The following RNF17 variants were observed in gnomAD, a reference collection of about 807,000 sequenced individuals.
RNF17 encodes ring finger protein 17.
Under a neutral mutation model 200.5 loss-of-function variants are expected in RNF17, and 31 were observed. The ratio of observed to expected loss-of-function variants is 0.15; its 90% confidence interval spans 0.12 to 0.21. The LOEUF (loss-of-function observed/expected upper bound fraction) is 0.21. Among genes scored for constraint, RNF17 ranks in the 10% least tolerant of loss-of-function variants. The pLI, the probability that RNF17 is intolerant of heterozygous loss-of-function variation, is 1.00. For synonymous variants in RNF17, 606 were observed against 637.8 expected, an observed-to-expected ratio of 0.95 and a Z score of 0.75; for missense variants, 1,628 against 1,905.1, an observed-to-expected ratio of 0.85 and a Z score of 2.71.
intron 32 of RNF17, among the ~76,000 whole-genome samples, chr13:24,873,413 T>C (rs555148713): frequency 6.6e-6 from 1 of 152,360 alleles, no homozygotes; most frequent in East Asian, 1.9e-4. Flanking sequence ...CATTTTCTTC[T>C]TTGTACTTTT....
rs185294582 is a variant in RNF17 at position 24,774,324 on chromosome 13, C to T, written c.226-489C>T. On this transcript the variant is annotated intron_variant, in intron 2 of 35. Transcript: ENST00000255324. ...CGCCAGGTTCAAGCAATTCTCCTGC[C>T]TCAGCCTCCCTAGTAGCTGGGATTA... Among the ~76,000 whole-genome samples, 572 of 152,318 alleles carry T rather than the reference C, an allele frequency of 3.8e-3. 6 individuals carry two copies. The highest frequency in any genetic ancestry group is 0.012 in the Admixed American group (184 of 15,304).
chr13:24,785,290 A>G (rs1229650403), intron 6 of RNF17, among the ~76,000 whole-genome samples: 1 of 152,090 alleles, frequency 6.6e-6, no homozygotes, highest in African/African-American at 2.4e-5. Context: ...TGCCCCAGAT[A>G]ATTTCCTAAT....
intron 16 of RNF17, among the ~76,000 whole-genome samples, chr13:24,830,245 T>TAAGG (rs1485854438): frequency 5.9e-5 from 9 of 152,218 alleles, no homozygotes; most frequent in African/African-American, 2.2e-4. Context: ...ATAATTTTGT[T>TAAGG]ATCCTGATTT....
chr13:24,876,926 A>G (rs1234740765), intron 33 of RNF17, 71 bp from the exon 34 acceptor site: 3 of 1,260,438 alleles, frequency 2.4e-6, no homozygotes, highest in Non-Finnish European at 3.3e-6. Context: ...CGTTTCCCCT[A>G]TGTTTTCTTC....
intron 2 of RNF17, among the ~76,000 whole-genome samples, chr13:24,773,978 CAAAT>C (rs1218879538): frequency 3.3e-5 from 5 of 152,038 alleles, no homozygotes; most frequent in Non-Finnish European, 7.4e-5. Context: ...CGCAGGGCCT[CAAAT>C]AAATGAACAT....
Position 24,845,051 on chromosome 13 carries a change from T to C in RNF17, c.3073T>C (p.Ser1025Pro). 1.9e-6 allele frequency: 3 copies of C among 1,568,322 alleles called. No individual in the cohort carries two copies. The highest frequency in any genetic ancestry group is 1.1e-5 in the South Asian group (1 of 89,870). Residue 1025 changes from serine (S) to proline (P), a missense_variant, in exon 22 of 36, where the codon TCT becomes CCT. By Grantham distance (74) the Ser-to-Pro change is moderately conservative. This residue lies in a region of RNF17 where 227 missense variants were observed against 319.8 expected (regional missense o/e 0.71). Transcript: ENST00000255324. ...EENLKTMGRL[S>P]LECSLVDIRP... is the part of the protein sequence containing the mutation. Reference sequence around the variant, plus strand: ...AAATCTAAAGACAATGGGAAGACTCTCTTTGGAATGTTCTCTGGTTGACAT... The same window carrying C: ...AAATCTAAAGACAATGGGAAGACTCCCTTTGGAATGTTCTCTGGTTGACAT...
chr13:24,862,998 A>G (rs1259703598), intron 28 of RNF17, among the ~76,000 whole-genome samples: 2 of 152,216 alleles, frequency 1.3e-5, no homozygotes, highest in Non-Finnish European at 2.9e-5. Context: ...AACTTTCATA[A>G]CCATTAAAGT....
rs1477964083 is a variant in RNF17, at chr13:24,796,277, T to G, written c.1381T>G (p.Ser461Ala). 6.3e-7 allele frequency: 1 copy of G among 1,598,664 alleles called. No individual in the cohort carries two copies. The highest frequency in any genetic ancestry group is 8.5e-7 in the Non-Finnish European group (1 of 1,173,316). Reference sequence around the variant, plus strand: ...CAATAGGAGTTCACACCTTGATCCTTCAGACATTTTGGAACTAGGTAATGA... The same window carrying G: ...CAATAGGAGTTCACACCTTGATCCTGCAGACATTTTGGAACTAGGTAATGA... ...FCNRSSHLDPSDILELGARIF... is the reference protein window; with the variant it reads ...FCNRSSHLDPADILELGARIF... The change falls in exon 11 of 36, where the codon TCA (serine) becomes GCA (alanine). Residue 461 changes from serine (S) to alanine (A), a missense_variant. Ser to Ala is a moderately conservative substitution (Grantham distance 99). Around this residue, in one of 5 missense-constraint regions of RNF17, gnomAD observed 289 missense variants for 384.9 expected, o/e 0.75. Transcript: ENST00000255324.
chr13:24,866,538 C>A (rs1893641695), intron 30 of RNF17, among the ~76,000 whole-genome samples: 1 of 152,174 alleles, frequency 6.6e-6, no homozygotes, highest in Non-Finnish European at 1.5e-5. Flanking sequence ...ACTATGTGGT[C>A]CTTTGTCGCT....
chr13:24,866,542 T>G (rs1288644926), intron 30 of RNF17, among the ~76,000 whole-genome samples: 1 of 152,248 alleles, frequency 6.6e-6, no homozygotes, highest in Non-Finnish European at 1.5e-5. Flanking sequence ...TGTGGTCCTT[T>G]GTCGCTGGCT....
At chr13:24,750,051 C>T in the RNF17 span, among the ~76,000 whole-genome samples, 1 of 152,114 alleles carries the variant, frequency 6.6e-6, no homozygotes, top group East Asian at 1.9e-4. Flanking sequence ...CATGCATGGC[C>T]AATTGCTCTG....
chr13:24,793,297 A>G lies in RNF17; in HGVS notation c.1191A>G (p.Gly397=), dbSNP rs750585077. The change falls in exon 10 of 36, where the codon GGA becomes GGG. Residue 397 remains glycine (G), a synonymous_variant. Transcript: ENST00000255324. ...PKTIAVLPQM[G]SSPDVIIEEI... is the part of the protein sequence containing the mutation. ...CCATTGCTGTGTTACCTCAGATGGGATCTAGCCCTGATGTGATAATTGAAG... is the reference window on the plus strand; with the variant it reads ...CCATTGCTGTGTTACCTCAGATGGGGTCTAGCCCTGATGTGATAATTGAAG... 8.7e-6 allele frequency: 14 copies of G among 1,610,038 alleles called. No homozygotes were observed. In the African/African-American group the frequency reaches 1.7e-4, roughly 20 times the overall value.
chr13:24,865,139 C>G (rs1893489557), intron 29 of RNF17, 141 bp downstream of exon 29: 1 of 585,776 alleles, frequency 1.7e-6, no homozygotes, highest in Non-Finnish European at 2.8e-6. Flanking sequence ...CACATTTTTG[C>G]TGAGAAAGAT....
rs1881314084 is a variant in RNF17, at chr13:24,774,809, T to A, written c.226-4T>A. On this transcript the variant is annotated splice_region_variant and splice_polypyrimidine_tract_variant and intron_variant, in intron 2 of 35. Coordinates refer to ENST00000255324, the MANE Select transcript of RNF17 (RefSeq NM_031277.3). The stretch of plus-strand genomic sequence containing the variant: ...TGTTTTTTTAAACCTTATTTTGTCC[T>A]AAGGTTGCTACAGCTGTAAATACTA... 1 of 1,596,978 alleles carries A rather than the reference T, an allele frequency of 6.3e-7. No individual in the cohort carries two copies. Among genetic ancestry groups the A allele is most frequent in the Non-Finnish European group, 8.6e-7 (1 of 1,166,986 alleles).
chr13:24,771,879 C>A (rs1236083858), intron 2 of RNF17, among the ~76,000 whole-genome samples: 1 of 152,046 alleles, frequency 6.6e-6, no homozygotes, highest in East Asian at 1.9e-4. Flanking sequence ...TGGCGCATGC[C>A]TGTAATCCCA....
intron 15 of RNF17, among the ~76,000 whole-genome samples, chr13:24,815,272 T>G (rs893393009): frequency 6.6e-6 from 1 of 152,240 alleles, no homozygotes; most frequent in Non-Finnish European, 1.5e-5. Flanking sequence ...TGCTCAAGTT[T>G]ATTCTTAATT....
chr13:24,834,565 C>T (rs1158521514), intron 18 of RNF17, among the ~76,000 whole-genome samples: 4 of 152,212 alleles, frequency 2.6e-5, no homozygotes, highest in Non-Finnish European at 1.5e-5. Context: ...AAACACACTT[C>T]CACTGGAGAA....
intron 15 of RNF17, among the ~76,000 whole-genome samples, chr13:24,818,799 A>G (rs1239096819): frequency 2.4e-4 from 37 of 152,078 alleles, no homozygotes; most frequent in Admixed American, 2.4e-3. Flanking sequence ...TCTCTTGTGG[A>G]CAGCATATAG....
intron 23 of RNF17, among the ~76,000 whole-genome samples, chr13:24,850,884 C>G (rs1037742146): frequency 3.9e-5 from 6 of 152,200 alleles, no homozygotes; most frequent in Admixed American, 3.3e-4. Context: ...ACTCCCCATT[C>G]TGTGACTGGA....
Sources: gnomAD v4.1 joint callset for allele counts (sites outside exome capture counted in the v4.1 genomes callset) on GRCh38, gnomAD v4.1.1 for gene constraint, gnomAD v4.1.1 regional missense constraint, MANE v1.5 for transcripts, NCBI Gene and HGNC (gene_info 2026-07-23, HGNC 2026-07-21) for gene names.